The following CELF5 variants were observed in gnomAD, a reference collection of about 807,000 sequenced individuals.
CELF5 encodes CUGBP Elav-like family member 5.
Under a neutral mutation model 54.9 loss-of-function variants are expected in CELF5, and 6 were observed. That is an observed-to-expected ratio of 0.11 (90% CI 0.06 to 0.22). The LOEUF is 0.22. Among genes scored for constraint, CELF5 ranks in the 10% least tolerant of loss-of-function variants. The pLI, the probability that CELF5 is intolerant of heterozygous loss-of-function variation, is 1.00. For synonymous variants in CELF5, 271 were observed against 290.9 expected (o/e 0.93, Z 0.70); for missense variants, 401 against 678.6 (o/e 0.59, Z 4.54).
chr19:3,257,250 C>T (rs566059906), intron 2 of CELF5, among the ~76,000 whole-genome samples: 1 of 152,216 alleles, frequency 6.6e-6, no homozygotes, highest in East Asian at 1.9e-4. Context: ...TGAGGCTGGA[C>T]CATGCCCGAA....
At position 3,290,394 on chromosome 19, in the gene CELF5, A is replaced by T. The variant is rs755980796; in HGVS notation, c.1330+20A>T. On this transcript the variant is annotated intron_variant, in intron 11 of 12. Coordinates refer to ENST00000292672, the MANE Select transcript of CELF5 (RefSeq NM_021938.4). ...GTTTCGGTGAGTGGCCGCCGACGCC[A>T]CCCCTCCCCATCCACCTCCCTCGCC... 1.2e-6 allele frequency: 2 copies of T among 1,608,376 alleles called. No individual in the cohort carries two copies. Among genetic ancestry groups the T allele is most frequent in the Non-Finnish European group, 1.7e-6 (2 of 1,176,608 alleles).
chr19:3,242,261 C>T (rs1343083844), intron 1 of CELF5, among the ~76,000 whole-genome samples: 3 of 152,124 alleles, frequency 2.0e-5, no homozygotes, highest in East Asian at 1.9e-4. Context: ...TGGCCGGGCA[C>T]GATGGCTCGC....
chr19:3,225,584 G>C, intron 1 of CELF5: 2 of 982,732 alleles, frequency 2.0e-6, no homozygotes, highest in Non-Finnish European at 2.4e-6. Context: ...GTCCGGCCGC[G>C]GGGGACACGG....
At chr19:3,225,653 G>GC in intron 1 of CELF5, 3 of 950,532 alleles carry the variant, frequency 3.2e-6, no homozygotes, top group Non-Finnish European at 3.8e-6. Flanking sequence ...GGGGCGCCCG[G>GC]CTCGGGGGGA....
chr19:3,271,042 C>A (rs1223810717), intron 2 of CELF5, among the ~76,000 whole-genome samples: 1 of 150,872 alleles, frequency 6.6e-6, no homozygotes, highest in South Asian at 2.1e-4. Context: ...TTGTGCAAGG[C>A]AGGAGCTGGG....
In CELF5 at chr19:3,282,510, T is replaced by G; in HGVS notation, c.1039+12T>G. The G allele has an allele frequency of 6.2e-7, 1 of 1,608,794 alleles. No individual in the cohort carries two copies. Among genetic ancestry groups the G allele is most frequent in the Non-Finnish European group, 8.5e-7 (1 of 1,177,638 alleles). On this transcript the variant is annotated intron_variant, in intron 8 of 12. Coordinates refer to ENST00000292672, the MANE Select transcript of CELF5 (RefSeq NM_021938.4). This position sits in a 1 kb window ranked among gnomAD's most constrained non-coding sequence, Gnocchi z 5.2. Reference sequence around the variant, plus strand: ...TGTGCCCTACCCAGGTAAATTGGGGTCGTCCTCTGGGGCCTAGGAGAGTGG... The same window carrying G: ...TGTGCCCTACCCAGGTAAATTGGGGGCGTCCTCTGGGGCCTAGGAGAGTGG...
chr19:3,250,889 T>TCA, intron 1 of CELF5, 96 bp from the exon 2 acceptor site: 1 of 543,600 alleles, frequency 1.8e-6, no homozygotes. Flanking sequence ...GGATGGAAGC[T>TCA]TGGGTTGCTT....
intron 4 of CELF5, among the ~76,000 whole-genome samples, chr19:3,276,451 C>A (rs551613482): frequency 6.0e-4 from 79 of 132,074 alleles, no homozygotes; most frequent in African/African-American, 2.2e-3. Context: ...GGGTGAAATA[C>A]GTAGAGTTAG....
chr19:3,293,533 C>A, intron 12 of CELF5, 47 bp downstream of exon 12: 2 of 1,458,102 alleles, frequency 1.4e-6, no homozygotes, highest in East Asian at 2.5e-5. Context: ...CCCGTCTTGT[C>A]TGAAACCCCC....
At chr19:3,233,451 TAA>T (rs1352371169) in intron 1 of CELF5, among the ~76,000 whole-genome samples, 1 of 152,152 alleles carries the variant, frequency 6.6e-6, no homozygotes, top group Non-Finnish European at 1.5e-5. Flanking sequence ...ACAAACAAAC[TAA>T]AGATGTGTGT....
At chr19:3,288,111 A>G (rs1175832645) in intron 10 of CELF5, among the ~76,000 whole-genome samples, 2 of 152,154 alleles carry the variant, frequency 1.3e-5, no homozygotes, top group Non-Finnish European at 2.9e-5. Context: ...GTGCAGCTGG[A>G]TGTGTTTTTC....
intron 1 of CELF5, among the ~76,000 whole-genome samples, chr19:3,237,311 CAAAAA>C (rs1182124877): frequency 7.1e-5 from 3 of 42,254 alleles, no homozygotes; most frequent in African/African-American, 2.7e-4. Context: ...GACTCCGTCT[CAAAAA>C]AAAAAAAAAA....
chr19:3,234,730 G>A (rs1004978448), intron 1 of CELF5, among the ~76,000 whole-genome samples: 5 of 151,968 alleles, frequency 3.3e-5, no homozygotes, highest in Admixed American at 6.6e-5. Context: ...AACAACAACC[G>A]CACCTCCTAT....
chr19:3,271,697 G>A (rs773665769), intron 2 of CELF5, among the ~76,000 whole-genome samples: 1 of 152,126 alleles, frequency 6.6e-6, no homozygotes, highest in African/African-American at 2.4e-5. Flanking sequence ...GAGGCTCAGC[G>A]AGAGGAGGGA....
At chr19:3,247,794 C>G (rs2079588819) in intron 1 of CELF5, among the ~76,000 whole-genome samples, 1 of 152,010 alleles carries the variant, frequency 6.6e-6, no homozygotes, top group Admixed American at 6.6e-5. Context: ...AAGCACTTTG[C>G]TCTGTTGCCC....
intron 2 of CELF5, among the ~76,000 whole-genome samples, chr19:3,252,154 G>A (rs1281129360): frequency 2.0e-5 from 3 of 151,988 alleles, no homozygotes; most frequent in Admixed American, 6.6e-5. Flanking sequence ...CTCCTACCTC[G>A]GCCTCCTGAG....
rs1196365927 is a variant in CELF5 at position 3,282,683 on chromosome 19, T to C, written c.1039+185T>C. The stretch of plus-strand genomic sequence containing the variant: ...GAGGCCGTGGCAGGGTAATAACACA[T>C]TAAAACGGTGCATCTGGATGTTTCT... On this transcript the variant is annotated intron_variant, in intron 8 of 12. Transcript: ENST00000292672. The surrounding 1 kb of genome is among the most constrained non-coding windows in gnomAD (Gnocchi z 5.2). 6.6e-6 allele frequency among the ~76,000 whole-genome samples: 1 copy of C among 152,122 alleles called. No individual in the cohort carries two copies. The highest frequency in any genetic ancestry group is 1.5e-5 in the Non-Finnish European group (1 of 68,018).
intron 1 of CELF5, among the ~76,000 whole-genome samples, chr19:3,241,533 G>A (rs2079491328): frequency 6.6e-6 from 1 of 152,026 alleles, no homozygotes; most frequent in Non-Finnish European, 1.5e-5. Context: ...CTGCACACCT[G>A]CCTCTGGTGC....
intron 2 of CELF5, among the ~76,000 whole-genome samples, chr19:3,256,562 T>C (rs201359234): frequency 1.7e-5 from 2 of 117,882 alleles, no homozygotes; most frequent in African/African-American, 5.8e-5. Context: ...ATTATTATTA[T>C]TATTATTATT....
Sources: allele counts gnomAD v4.1 joint callset (sites outside exome capture counted in the v4.1 genomes callset), GRCh38; gene constraint gnomAD v4.1.1; non-coding constraint Gnocchi (gnomAD v3.1); transcripts MANE v1.5; gene names NCBI Gene and HGNC (gene_info 2026-07-23, HGNC 2026-07-21).